MRPS18C: variants seen among roughly 807,000 people sequenced by gnomAD.
The protein encoded by MRPS18C is small ribosomal subunit protein bS18m.
In MRPS18C, 21 loss-of-function variants were observed where a neutral mutation model predicts 21.0. The ratio of observed to expected loss-of-function variants is 1.00; its 90% CI spans 0.71 to 1.44. The LOEUF is 1.44. Among genes scored for constraint, MRPS18C ranks in the 40% most tolerant of loss-of-function variants. The probability of loss-of-function intolerance (pLI) is 0.00; values close to 1 mark genes in which losing one functional copy is unlikely to be tolerated. For synonymous variants in MRPS18C, 65 were observed against 54.3 expected (o/e 1.20, Z -0.87); for missense variants, 152 against 171.5 (o/e 0.89, Z 0.64).
intron 2 of MRPS18C, 68 bp from the exon 3 acceptor site, chr4:83,458,278 A>C (rs896259683): frequency 6.5e-6 from 7 of 1,083,604 alleles, no homozygotes; most frequent in Non-Finnish European, 9.8e-6. Context: ...ATTTGAATGT[A>C]GAATAGTAAC....
intron 4 of MRPS18C, 28 bp from the exon 5 acceptor site, chr4:83,460,945 A>G (rs771159531): frequency 6.3e-7 from 1 of 1,575,112 alleles, no homozygotes; most frequent in East Asian, 2.2e-5. Flanking sequence ...GACATTTTTT[A>G]TGAATAAGAA....
Position 83,458,369 on chromosome 4 carries a change from T to C in MRPS18C, c.174T>C (p.Tyr58=), listed in dbSNP as rs1721943880. Reference sequence around the variant, plus strand: ...AGCCCATTTCAATGGAAAATCCTTATAAAGAACCTCTTAAGAAATGTATCT... The same window carrying C: ...AGCCCATTTCAATGGAAAATCCTTACAAAGAACCTCTTAAGAAATGTATCT... ...EDLPISMENP[Y]KEPLKKCILC... The change falls in exon 3 of 6, where the codon TAT becomes TAC. Residue 58 remains tyrosine (Y), a synonymous_variant. Transcript: ENST00000295491. 5.6e-6 allele frequency: 9 copies of C among 1,603,728 alleles called. No homozygotes were observed. Among genetic ancestry groups the C allele is most frequent in the Non-Finnish European group, 7.7e-6 (9 of 1,171,762 alleles).
chr4:83,459,680 C>G (rs1722004432), intron 3 of MRPS18C, 60 bp from the exon 4 acceptor site: 1 of 1,453,742 alleles, frequency 6.9e-7, no homozygotes, highest in Non-Finnish European at 9.5e-7. Flanking sequence ...TTGAAATTTA[C>G]ACATTCAGAA....
intron 4 of MRPS18C, 55 bp downstream of exon 4, chr4:83,459,852 A>C: frequency 7.0e-7 from 1 of 1,423,654 alleles, no homozygotes; most frequent in South Asian, 1.3e-5. Flanking sequence ...ATATCAATCT[A>C]TTTCTATCAT....
intron 4 of MRPS18C, 50 bp downstream of exon 4, chr4:83,459,847 AATCT>A (rs1722013157): frequency 6.9e-7 from 1 of 1,440,460 alleles, no homozygotes; most frequent in Non-Finnish European, 9.6e-7. Context: ...GAATTATATC[AATCT>A]ATTTCTATCA....
chr4:83,458,197 A>G (rs1721937451), intron 2 of MRPS18C, 149 bp from the exon 3 acceptor site: 1 of 586,186 alleles, frequency 1.7e-6, no homozygotes, highest in Non-Finnish European at 2.9e-6. Context: ...CGTAGGCTAA[A>G]CTAAAACAAA....
intron 2 of MRPS18C, 139 bp downstream of exon 2, chr4:83,457,097 A>G: frequency 1.6e-6 from 1 of 639,612 alleles, no homozygotes; most frequent in Non-Finnish European, 2.6e-6. Flanking sequence ...GGACAAAACA[A>G]TTTGATAATT....
At chr4:83,456,307 G>T (rs1721820445) in intron 1 of MRPS18C, 130 bp downstream of exon 1, 2 of 776,412 alleles carry the variant, frequency 2.6e-6, no homozygotes, top group South Asian at 3.3e-5. Flanking sequence ...AGATGGGTGG[G>T]AATCTGTAAT....
In MRPS18C at chr4:83,462,045, G is replaced by C. The variant is rs993921283; in HGVS notation, c.*848G>C. ...ATTTCTTTCCATATTTTGAAAATAA[G>C]GCTATTCTTGCTTTTCCATTTTATT... On this transcript the variant is annotated 3_prime_UTR_variant, in exon 6 of 6. Coordinates refer to ENST00000295491, the MANE Select transcript of MRPS18C (RefSeq NM_016067.4). The C allele has an allele frequency of 4.4e-6, 1 of 229,404 alleles. No individual in the cohort carries two copies. The highest frequency in any genetic ancestry group is 2.2e-5 in the African/African-American group (1 of 45,118). 14.2% of individuals were successfully genotyped at this position (229,404 alleles called of 1,614,324 possible). A position where few individuals can be genotyped will look rare whatever the true frequency, so the allele number is the denominator to read the frequency against.
At chr4:83,459,914 T>C in intron 4 of MRPS18C, 117 bp downstream of exon 4, 1 of 807,078 alleles carries the variant, frequency 1.2e-6, no homozygotes, top group Non-Finnish European at 2.0e-6. Context: ...CTAGATCAGA[T>C]ACTACAGGGA....
At position 83,458,383 on chromosome 4, in the gene MRPS18C, A is replaced by T; in HGVS notation, c.188A>T (p.Lys63Met). 1 of 1,606,306 alleles carries T rather than the reference A, an allele frequency of 6.2e-7. No homozygotes were observed. The highest frequency in any genetic ancestry group is 8.5e-7 in the Non-Finnish European group (1 of 1,174,110). ...SMENPYKEPL[K>M]KCILCGKHVD... The stretch of plus-strand genomic sequence containing the variant: ...GAAAATCCTTATAAAGAACCTCTTA[A>T]GAAATGTATCTTGTGTGGAAAGCAT... The change falls in exon 3 of 6, where the codon AAG becomes ATG. Residue 63 changes from lysine to methionine, a missense_variant. By Grantham distance (95) the Lys-to-Met change is moderately conservative. This residue lies in a region of MRPS18C where 118 missense variants were observed against 104.4 expected (regional missense o/e 1.13). Coordinates refer to ENST00000295491, the MANE Select transcript of MRPS18C (RefSeq NM_016067.4).
intron 1 of MRPS18C, 125 bp from the exon 2 acceptor site, chr4:83,456,784 A>G (rs1447199253): frequency 1.1e-6 from 1 of 920,582 alleles, no homozygotes; most frequent in Non-Finnish European, 1.6e-6. Context: ...ACCATTCTGA[A>G]TATAATACAA....
Position 83,461,027 on chromosome 4 carries a change from T to G in MRPS18C, c.347T>G (p.Ile116Arg). ...ACAAAAGCAATTAAGAGAGCTCAAA[T>G]AATGGGTAAGAAAGAATACCTCAAC... ...EITKAIKRAQ[I>R]MGFMPVTYKD... is the part of the protein sequence containing the mutation. Residue 116 changes from isoleucine to arginine, a missense_variant, in exon 5 of 6, where the codon ATA (isoleucine) becomes AGA (arginine). Physicochemically the swap from Ile to Arg is moderately conservative, Grantham distance 97. Transcript: ENST00000295491. 1 of 1,612,562 alleles carries G rather than the reference T, an allele frequency of 6.2e-7. No individual in the cohort carries two copies. The highest frequency in any genetic ancestry group is 1.1e-5 in the South Asian group (1 of 90,814).
chr4:83,459,609 T>A, intron 3 of MRPS18C, 131 bp from the exon 4 acceptor site: 1 of 740,750 alleles, frequency 1.3e-6, no homozygotes, highest in Non-Finnish European at 2.2e-6. Context: ...TATTTTTTTC[T>A]TATATTTTAT....
Position 83,459,636 on chromosome 4 carries a change from T to G in MRPS18C, c.235-104T>G. On this transcript the variant is annotated intron_variant, in intron 3 of 5. Coordinates refer to ENST00000295491, the MANE Select transcript of MRPS18C (RefSeq NM_016067.4). ...ATATTTTATGAAATGTGTCTGAAAT[T>G]TAGTAAAGCTTTATATAACCTGAAG... 4.2e-6 allele frequency: 4 copies of G among 962,726 alleles called. No homozygotes were observed. In the South Asian group the frequency reaches 6.3e-5, roughly 15 times the overall value. 59.6% of individuals were successfully genotyped at this position (962,726 alleles called of 1,614,324 possible).
intron 3 of MRPS18C, chr4:83,459,127 C>CA (rs1287027246): frequency 1.5e-5 from 1 of 68,710 alleles, no homozygotes; most frequent in Non-Finnish European, 2.7e-5. Flanking sequence ...GCCTGGGTGA[C>CA]AAGAGTAAAA....
chr4:83,461,111 C>T lies in MRPS18C; in HGVS notation c.353-10C>T, dbSNP rs142051764. The T allele has an allele frequency of 7.1e-3, 11,408 of 1,613,262 alleles. 645 individuals carry two copies. The African/African-American group carries it at 0.13, about 18-fold the overall frequency. On this transcript the variant is annotated splice_polypyrimidine_tract_variant and intron_variant, in intron 5 of 5. Transcript: ENST00000295491. ...ATGTTTTGTCAAGAACTTTAATTAT[C>T]TCTTTACAGGGTTTATGCCAGTTAC...
intron 3 of MRPS18C, 106 bp from the exon 4 acceptor site, chr4:83,459,634 A>C: frequency 1.0e-6 from 1 of 956,152 alleles, no homozygotes; most frequent in Non-Finnish European, 1.6e-6. Flanking sequence ...TGTGTCTGAA[A>C]TTTAGTAAAG....
At chr4:83,460,660 T>G in intron 4 of MRPS18C, 1 of 285,898 alleles carries the variant, frequency 3.5e-6, no homozygotes, top group Non-Finnish European at 6.7e-6. Context: ...TCCCAGCACT[T>G]TGGGAGGCTG....
Sources: allele counts gnomAD v4.1 joint callset, GRCh38; gene constraint gnomAD v4.1.1; regional missense constraint gnomAD v4.1.1; transcripts MANE v1.5; gene names NCBI Gene and HGNC (gene_info 2026-07-23, HGNC 2026-07-21).